Variants in ELP3 observed in about 807,000 individuals in gnomAD.
The protein encoded by ELP3 is elongator acetyltransferase complex subunit 3.
ELP3 carries 56 observed loss-of-function variants against 74.9 expected under a neutral mutation model. The ratio of observed to expected loss-of-function variants is 0.75; its 90% CI spans 0.60 to 0.93. ELP3 has a LOEUF of 0.93. ELP3 is among the 40% of genes least tolerant of loss of function. ELP3 has a pLI of 0.00. For missense variants in ELP3, 573 were observed against 686.5 expected, an observed-to-expected ratio of 0.83 and a Z score of 1.85; for synonymous variants, 222 against 239.8, an observed-to-expected ratio of 0.93 and a Z score of 0.68.
intron 10 of ELP3, among the ~76,000 whole-genome samples, chr8:28,145,930 A>G (rs11136033): frequency 0.41 from 62,271 of 152,006 alleles, 14,378 homozygotes; most frequent in East Asian, 0.65. Flanking sequence ...GGCCAAGAAG[A>G]AACTTAGGCA....
intron 10 of ELP3, among the ~76,000 whole-genome samples, chr8:28,141,700 G>T (rs1381469969): frequency 6.6e-6 from 1 of 152,134 alleles, no homozygotes; most frequent in Non-Finnish European, 1.5e-5. Context: ...ACTGCACTTG[G>T]GACTTTTTAT....
At position 28,107,994 on chromosome 8, in the gene ELP3, C is replaced by G. The variant is rs780434553; in HGVS notation, c.393+18C>G. On this transcript the variant is annotated intron_variant, in intron 5 of 14. Transcript: ENST00000256398. ...GCTATGAGGTACAGTAACTTTGAGG[C>G]TGTCCTGATGAAATGTTGCATCATG... The G allele has an allele frequency of 4.0e-5, 65 of 1,605,650 alleles. No individual in the cohort carries two copies. Among genetic ancestry groups the G allele is most frequent in the Non-Finnish European group, 4.5e-5 (53 of 1,173,040 alleles).
chr8:28,156,826 C>T (rs1813845640), intron 11 of ELP3, among the ~76,000 whole-genome samples: 1 of 152,098 alleles, frequency 6.6e-6, no homozygotes, highest in Non-Finnish European at 1.5e-5. Context: ...TGGACTTAAC[C>T]TAAGACATTT....
intron 14 of ELP3, among the ~76,000 whole-genome samples, chr8:28,171,997 G>A (rs944895472): frequency 9.9e-5 from 15 of 152,252 alleles, no homozygotes; most frequent in Middle Eastern, 3.4e-3. Flanking sequence ...TGGGCTCTCA[G>A]TTCTATTTTG....
At chr8:28,113,830 C>T (rs530140265) in intron 7 of ELP3, 1 of 152,238 alleles carries the variant, frequency 6.6e-6, no homozygotes, top group African/African-American at 2.4e-5. Flanking sequence ...AAGGTCAGAT[C>T]GCCTCTCAGA....
Position 28,160,392 on chromosome 8 carries a change from A to G in ELP3, c.1421A>G (p.Glu474Gly). ...ELGGGVSIVR[E>G]LHVYGSVVPV... ...GGTGGAGGTGTCTCCATAGTACGAGAGCTGCATGTGTATGGGAGTGTGGTC... is the reference window on the plus strand; with the variant it reads ...GGTGGAGGTGTCTCCATAGTACGAGGGCTGCATGTGTATGGGAGTGTGGTC... Residue 474 changes from glutamate to glycine, a missense_variant, in exon 13 of 15, where the codon GAG becomes GGG. By Grantham distance (98) the Glu-to-Gly change is moderately conservative (BLOSUM62 -2). Transcript: ENST00000256398. 6.2e-7 allele frequency: 1 copy of G among 1,614,150 alleles called. No individual in the cohort carries two copies.
At chr8:28,137,203 C>G (rs1220124148) in intron 9 of ELP3, among the ~76,000 whole-genome samples, 1 of 152,094 alleles carries the variant, frequency 6.6e-6, no homozygotes, top group Non-Finnish European at 1.5e-5. Context: ...GAAAGGTATA[C>G]TCTAGAGGTG....
chr8:28,184,607 C>A (rs1372009117), intron 14 of ELP3, among the ~76,000 whole-genome samples: 2 of 152,186 alleles, frequency 1.3e-5, no homozygotes, highest in Non-Finnish European at 2.9e-5. Context: ...CAAGGACTGT[C>A]CAGTCCTGTG....
chr8:28,129,774 G>T, intron 8 of ELP3, 111 bp downstream of exon 8: 2 of 1,211,544 alleles, frequency 1.7e-6, no homozygotes, highest in Non-Finnish European at 2.4e-6. Flanking sequence ...AAGAAGTATG[G>T]GTATTCCTCC....
intron 14 of ELP3, among the ~76,000 whole-genome samples, chr8:28,173,297 T>G (rs1814605721): frequency 6.6e-6 from 1 of 151,988 alleles, no homozygotes; most frequent in Non-Finnish European, 1.5e-5. Context: ...CTGATTCAGT[T>G]TCTTGTTATG....
chr8:28,106,884 C>T (rs2130377596), intron 4 of ELP3, 101 bp downstream of exon 4: 1 of 816,300 alleles, frequency 1.2e-6, no homozygotes, highest in Middle Eastern at 3.8e-4. Context: ...TTTAAAACTT[C>T]AGCTTAATAG....
intron 14 of ELP3, among the ~76,000 whole-genome samples, chr8:28,175,806 G>C (rs1814724315): frequency 1.6e-5 from 2 of 124,312 alleles, no homozygotes; most frequent in African/African-American, 5.9e-5. Flanking sequence ...CATTTGTCTA[G>C]TGACTTTTTT....
chr8:28,099,525 A>G (rs1585630968), intron 2 of ELP3, among the ~76,000 whole-genome samples: 1 of 152,322 alleles, frequency 6.6e-6, no homozygotes, highest in East Asian at 1.9e-4. Context: ...GTGGAGTCAG[A>G]ATAGTCCTTT....
chr8:28,092,553 T>C (rs1487107860), upstream of ELP3, among the ~76,000 whole-genome samples: 2 of 152,168 alleles, frequency 1.3e-5, no homozygotes, highest in African/African-American at 4.8e-5. Context: ...CTTAACTTTT[T>C]TCTTTGGCAG....
At chr8:28,119,440 A>G (rs555061208) in intron 7 of ELP3, among the ~76,000 whole-genome samples, 33 of 151,706 alleles carry the variant, frequency 2.2e-4, no homozygotes, top group Non-Finnish European at 4.4e-4. Flanking sequence ...GATGAATTTC[A>G]TAGTAAGTTG....
In ELP3 at chr8:28,132,316, T is replaced by C. The variant is rs781450721; in HGVS notation, c.818T>C (p.Leu273Pro). The C allele has an allele frequency of 6.2e-7, 1 of 1,614,146 alleles. No individual in the cohort carries two copies. The highest frequency in any genetic ancestry group is 8.5e-7 in the Non-Finnish European group (1 of 1,179,994). The change falls in exon 9 of 15, where the codon CTG becomes CCG. Residue 273 changes from leucine (L) to proline (P), a missense_variant. Physicochemically the swap from Leu to Pro is moderately conservative, Grantham distance 98 (BLOSUM62 -3). Coordinates refer to ENST00000256398, the MANE Select transcript of ELP3 (RefSeq NM_018091.6). ...TVKAVCESFHLAKDSGFKVVA... is the reference protein window; with the variant it reads ...TVKAVCESFHPAKDSGFKVVA... The stretch of plus-strand genomic sequence containing the variant: ...AAGGCAGTGTGTGAGTCATTTCACC[T>C]GGCCAAAGATTCCGGTTTTAAAGTG...
chr8:28,106,656 G>T, intron 3 of ELP3, 57 bp from the exon 4 acceptor site: 1 of 1,458,568 alleles, frequency 6.9e-7, no homozygotes, highest in Non-Finnish European at 9.6e-7. Flanking sequence ...TAAGCACTCT[G>T]TGGAGTTTTA....
At chr8:28,126,375 A>G (rs1036135724) in intron 7 of ELP3, among the ~76,000 whole-genome samples, 6 of 152,234 alleles carry the variant, frequency 3.9e-5, no homozygotes, top group Admixed American at 6.5e-5. Flanking sequence ...GACTTAAGCT[A>G]TGCTTCACAG....
At chr8:28,157,307 A>AC (rs1813870005) in intron 11 of ELP3, among the ~76,000 whole-genome samples, 1 of 148,970 alleles carries the variant, frequency 6.7e-6, no homozygotes, top group South Asian at 2.2e-4. Context: ...AAAAAAAAAC[A>AC]GAAACAGCAT....
Sources: allele counts gnomAD v4.1 joint callset (sites outside exome capture counted in the v4.1 genomes callset), GRCh38; gene constraint gnomAD v4.1.1; transcripts MANE v1.5; gene names NCBI Gene and HGNC (gene_info 2026-07-23, HGNC 2026-07-21).